KIAA1671: variants seen among roughly 807,000 people sequenced by gnomAD.
KIAA1671 encodes the protein KIAA1671, also known as uncharacterized protein KIAA1671.
A neutral mutation model predicts 131.2 loss-of-function variants in KIAA1671; 52 were observed. The observed-to-expected ratio is 0.40, with a 90% CI of 0.32 to 0.50. KIAA1671 has a LOEUF of 0.50. KIAA1671 is among the 20% of genes least tolerant of loss of function. KIAA1671 has a pLI of 0.73. For synonymous variants in KIAA1671, 1,003 were observed against 961.6 expected, an observed-to-expected ratio of 1.04 and a Z score of -0.80; for missense variants, 2,360 against 2,364.2, an observed-to-expected ratio of 1.00 and a Z score of 0.04.
intron 6 of KIAA1671, among the ~76,000 whole-genome samples, chr22:25,134,730 G>T (rs1302142233): frequency 2.6e-5 from 4 of 152,142 alleles, no homozygotes; most frequent in Non-Finnish European, 4.4e-5. Flanking sequence ...AAAGCTGGGA[G>T]GCCTAGTGGT....
At chr22:25,107,092 G>C (rs1931047554) in intron 6 of KIAA1671, among the ~76,000 whole-genome samples, 1 of 152,098 alleles carries the variant, frequency 6.6e-6, no homozygotes, top group Non-Finnish European at 1.5e-5. Flanking sequence ...CCATCAGCTA[G>C]ATTCTATAAA....
intron 11 of KIAA1671, among the ~76,000 whole-genome samples, chr22:25,189,375 G>A (rs879286705): frequency 1.5e-4 from 23 of 151,832 alleles, no homozygotes; most frequent in Non-Finnish European, 2.6e-4. Context: ...GGGTTTCACC[G>A]TGTTAGCCGG....
At chr22:25,144,821 CT>C (rs1485179154) in intron 6 of KIAA1671, among the ~76,000 whole-genome samples, 1 of 152,206 alleles carries the variant, frequency 6.6e-6, no homozygotes, top group East Asian at 1.9e-4. Flanking sequence ...GAACCTCCTT[CT>C]CCTGGGAATC....
intron 6 of KIAA1671, chr22:25,054,051 A>AAG (rs1927701380): frequency 1.6e-5 from 2 of 121,230 alleles, no homozygotes; most frequent in Non-Finnish European, 1.7e-5. Flanking sequence ...AAAAAAAAAA[A>AAG]AAGAAGAATT....
intron 6 of KIAA1671, among the ~76,000 whole-genome samples, chr22:25,155,947 T>TAC: frequency 7.7e-6 from 1 of 130,146 alleles, no homozygotes; most frequent in Non-Finnish European, 1.7e-5. Flanking sequence ...TATATATAAA[T>TAC]ACACACATAT....
intron 1 of KIAA1671, among the ~76,000 whole-genome samples, chr22:25,007,130 C>A (rs531476170): frequency 6.6e-6 from 1 of 152,238 alleles, no homozygotes; most frequent in African/African-American, 2.4e-5. Flanking sequence ...TGTTCTGCCC[C>A]CAAAACTTGC....
chr22:25,092,770 C>G (rs1011343115), intron 6 of KIAA1671, among the ~76,000 whole-genome samples: 4 of 152,102 alleles, frequency 2.6e-5, no homozygotes, highest in African/African-American at 9.7e-5. Flanking sequence ...GCGAGTGGTG[C>G]CAAATTTTAC....
intron 3 of KIAA1671, 41 bp downstream of exon 3, chr22:25,029,581 C>T (rs917589144): frequency 7.5e-4 from 1,057 of 1,406,364 alleles, no homozygotes; most frequent in Non-Finnish European, 9.3e-4. Flanking sequence ...AGCCGCCCAC[C>T]CACACACCCT....
At chr22:25,113,102 C>T (rs1206343487) in intron 6 of KIAA1671, among the ~76,000 whole-genome samples, 2 of 152,132 alleles carry the variant, frequency 1.3e-5, no homozygotes, top group Non-Finnish European at 1.5e-5. Flanking sequence ...TGGCCTGTGT[C>T]CTGCTAGGCG....
intron 6 of KIAA1671, among the ~76,000 whole-genome samples, chr22:25,133,485 ACT>A (rs1245012567): frequency 6.6e-5 from 10 of 152,016 alleles, no homozygotes; most frequent in Admixed American, 5.9e-4. Flanking sequence ...CCATCAAAAG[ACT>A]CTGTTCTTCG....
At chr22:25,007,470 G>A (rs1924810080) in intron 1 of KIAA1671, among the ~76,000 whole-genome samples, 1 of 150,912 alleles carries the variant, frequency 6.6e-6, no homozygotes, top group Non-Finnish European at 1.5e-5. Context: ...TGGTGACAGA[G>A]TGAGACTCGG....
At chr22:25,147,189 T>G (rs546302136) in intron 6 of KIAA1671, among the ~76,000 whole-genome samples, 3 of 115,812 alleles carry the variant, frequency 2.6e-5, no homozygotes, top group African/African-American at 1.3e-4. Flanking sequence ...TTTATTTTAT[T>G]TTATTTTATT....
chr22:25,105,863 C>T (rs1930979979), intron 6 of KIAA1671, among the ~76,000 whole-genome samples: 2 of 151,164 alleles, frequency 1.3e-5, no homozygotes, highest in African/African-American at 4.9e-5. Flanking sequence ...AGCTGTGTGA[C>T]CTTGTGTTGG....
At chr22:25,095,650 C>CA (rs146502775) in intron 6 of KIAA1671, among the ~76,000 whole-genome samples, 203 of 151,572 alleles carry the variant, frequency 1.3e-3, no homozygotes, top group African/African-American at 2.7e-3. Context: ...GGCCACATCT[C>CA]AAAAAAAACA....
At position 25,181,901 on chromosome 22, in the gene KIAA1671, G is replaced by T. The variant is rs191829379; in HGVS notation, c.5199+78G>T. ...CAGTGTAAAGAATAGATTCCGGCTG[G>T]GTGCAGTGGCTCACGCCTGTAATCC... On this transcript the variant is annotated intron_variant, in intron 10 of 12. Coordinates refer to ENST00000358431, the MANE Select transcript of KIAA1671 (RefSeq NM_001145206.2). 81 of 1,482,774 alleles carry T rather than the reference G, an allele frequency of 5.5e-5. No homozygotes were observed. In the East Asian group the frequency reaches 2.0e-3, roughly 37 times the overall value. 91.9% of individuals were successfully genotyped at this position (1,482,774 alleles called of 1,614,324 possible).
At chr22:25,017,831 C>T (rs956589743) in intron 1 of KIAA1671, among the ~76,000 whole-genome samples, 8 of 152,166 alleles carry the variant, frequency 5.3e-5, no homozygotes, top group African/African-American at 1.9e-4. Context: ...CTCAAGTTTA[C>T]AAAAGTGTCT....
intron 6 of KIAA1671, among the ~76,000 whole-genome samples, chr22:25,093,119 G>A (rs1930102229): frequency 6.6e-6 from 1 of 152,206 alleles, no homozygotes. Flanking sequence ...GTAATCTCTA[G>A]GCAGTGTCTC....
intron 1 of KIAA1671, among the ~76,000 whole-genome samples, chr22:24,961,420 T>C (rs1253895033): frequency 6.6e-6 from 1 of 152,228 alleles, no homozygotes; most frequent in Non-Finnish European, 1.5e-5. Flanking sequence ...GATCATACTG[T>C]GTAACAAACA....
chr22:25,181,118 G>A (rs1934256729), intron 9 of KIAA1671, among the ~76,000 whole-genome samples: 1 of 152,096 alleles, frequency 6.6e-6, no homozygotes, highest in South Asian at 2.1e-4. Context: ...CAGCATCCTG[G>A]TCTCAGAGAA....
Sources: gnomAD v4.1 joint callset for allele counts (sites outside exome capture counted in the v4.1 genomes callset) on GRCh38, gnomAD v4.1.1 for gene constraint, MANE v1.5 for transcripts, NCBI Gene and HGNC (gene_info 2026-07-23, HGNC 2026-07-21) for gene names.